The following PMS1 variants were observed in gnomAD, a reference collection of about 807,000 sequenced individuals.
PMS1 encodes PMS1 protein homolog 1.
A neutral mutation model predicts 93.1 loss-of-function variants in PMS1; 79 were observed. The ratio of observed to expected loss-of-function variants is 0.85; its 90% confidence interval spans 0.71 to 1.02. The LOEUF (loss-of-function observed/expected upper bound fraction) is 1.02, where lower values mean the gene tolerates loss of function less well. Among genes scored for constraint, PMS1 ranks in the 50% least tolerant of loss-of-function variants. PMS1 has a pLI of 0.00. For missense variants in PMS1, 1,064 were observed against 1,085.3 expected, an observed-to-expected ratio of 0.98 and a Z score of 0.28; for synonymous variants, 335 against 363.4, an observed-to-expected ratio of 0.92 and a Z score of 0.89.
At chr2:189,826,306 A>G (rs2106354973) in intron 5 of PMS1, among the ~76,000 whole-genome samples, 1 of 152,314 alleles carries the variant, frequency 6.6e-6, no homozygotes, top group Non-Finnish European at 1.5e-5. Flanking sequence ...CCCCTTCCTT[A>G]GGAATGAATT....
At chr2:189,873,278 A>T (rs2057301410) in intron 11 of PMS1, among the ~76,000 whole-genome samples, 1 of 152,228 alleles carries the variant, frequency 6.6e-6, no homozygotes, top group Admixed American at 6.5e-5. Context: ...ATTAAGTTAA[A>T]TTATATAAAG....
At chr2:189,837,330 T>C (rs978526873) in intron 5 of PMS1, among the ~76,000 whole-genome samples, 2 of 152,006 alleles carry the variant, frequency 1.3e-5, no homozygotes, top group African/African-American at 4.8e-5. Flanking sequence ...GGTCACACTA[T>C]GTTGCCCAGT....
chr2:189,845,316 T>A (rs2054164648), intron 6 of PMS1, among the ~76,000 whole-genome samples: 1 of 152,142 alleles, frequency 6.6e-6, no homozygotes, highest in South Asian at 2.1e-4. Context: ...TTGTTGTATC[T>A]CTTATGCCAT....
At chr2:189,788,420 TATG>T (rs1220339459) in intron 1 of PMS1, among the ~76,000 whole-genome samples, 1 of 152,230 alleles carries the variant, frequency 6.6e-6, no homozygotes, top group African/African-American at 2.4e-5. Context: ...ACCACAATCA[TATG>T]ATATCATTAT....
At chr2:189,815,580 C>G (rs1364308764) in intron 4 of PMS1, among the ~76,000 whole-genome samples, 2 of 152,188 alleles carry the variant, frequency 1.3e-5, no homozygotes, top group African/African-American at 4.8e-5. Flanking sequence ...GCTTCCCCTT[C>G]CGCCATGAAT....
chr2:189,863,712 C>T, intron 9 of PMS1, 31 bp from the exon 10 acceptor site: 2 of 1,473,326 alleles, frequency 1.4e-6, no homozygotes, highest in African/African-American at 1.4e-5. Flanking sequence ...TGATTATGAT[C>T]TCATTAGTTC....
At chr2:189,868,900 CAA>C (rs1428032518) in intron 11 of PMS1, among the ~76,000 whole-genome samples, 1 of 152,104 alleles carries the variant, frequency 6.6e-6, no homozygotes, top group Non-Finnish European at 1.5e-5. Flanking sequence ...CATTTAAAAA[CAA>C]TGTGTTTTGG....
Position 189,854,372 on chromosome 2 carries a change from A to G in PMS1, c.1100A>G (p.Asp367Gly), listed in dbSNP as rs2055099866. The G allele has an allele frequency of 1.2e-6, 2 of 1,602,716 alleles. No homozygotes were observed. The highest frequency in any genetic ancestry group is 3.4e-5 in the Admixed American group (2 of 58,686). The change falls in exon 9 of 13, where the codon GAT (aspartate) becomes GGT (glycine). Residue 367 changes from aspartate to glycine, a missense_variant. Transcript: ENST00000441310. ...GTTCTTAGTAAAACAGCAGAAACAG[A>G]TGTGCTTTTTAATAAAGTGGAATCA... ...DIVLSKTAET[D>G]VLFNKVESSG...
chr2:189,814,658 T>A (rs1414163605), intron 4 of PMS1, among the ~76,000 whole-genome samples: 1 of 152,216 alleles, frequency 6.6e-6, no homozygotes, highest in African/African-American at 2.4e-5. Flanking sequence ...AACATGGTAG[T>A]TCTTTGCTCT....
chr2:189,875,955 C>CAAAAAA (rs561168809), intron 12 of PMS1, among the ~76,000 whole-genome samples: 527 of 46,166 alleles, frequency 0.011, 50 homozygotes, highest in African/African-American at 0.041. Flanking sequence ...GACTCTGTCT[C>CAAAAAA]AAAAAAAAAA....
chr2:189,815,576 C>T (rs1295154320), intron 4 of PMS1, among the ~76,000 whole-genome samples: 1 of 152,164 alleles, frequency 6.6e-6, no homozygotes, highest in Non-Finnish European at 1.5e-5. Flanking sequence ...GCCTGCTTCC[C>T]CTTCCGCCAT....
chr2:189,800,771 A>T (rs944198335), intron 3 of PMS1, among the ~76,000 whole-genome samples: 14 of 152,204 alleles, frequency 9.2e-5, no homozygotes, highest in Non-Finnish European at 1.9e-4. Flanking sequence ...GTAATTGGGC[A>T]CACTATTAAA....
Position 189,864,012 on chromosome 2 carries a change from A to T in PMS1, c.2126A>T (p.Asn709Ile). The T allele has an allele frequency of 6.2e-6, 10 of 1,607,578 alleles. No individual in the cohort carries two copies. Among genetic ancestry groups the T allele is most frequent in the Non-Finnish European group, 8.5e-6 (10 of 1,175,132 alleles). The change falls in exon 10 of 13, where the codon AAT (asparagine) becomes ATT (isoleucine). Residue 709 changes from asparagine to isoleucine, a missense_variant. Transcript: ENST00000441310. Reference protein sequence around the residue: ...IPFSMKNLKINFKKQNKVDLE... With the variant: ...IPFSMKNLKIIFKKQNKVDLE... ...TTTTCTATGAAAAACTTAAAAATAA[A>T]TTTTAAGAAACAAAACAAAGTTGAC...
chr2:189,808,977 A>T (rs1005751822), intron 4 of PMS1, among the ~76,000 whole-genome samples: 1 of 152,156 alleles, frequency 6.6e-6, no homozygotes, highest in African/African-American at 2.4e-5. Flanking sequence ...TCCTAGTCAG[A>T]TTCTTTTAAG....
chr2:189,791,868 C>T lies in PMS1; in HGVS notation c.59C>T (p.Ser20Leu), dbSNP rs768047966. 1.1e-5 allele frequency: 18 copies of T among 1,613,514 alleles called. No individual in the cohort carries two copies. Among genetic ancestry groups the T allele is most frequent in the South Asian group, 2.2e-5 (2 of 91,076 alleles). Residue 20 changes from serine to leucine, a missense_variant, in exon 2 of 13, where the codon TCG becomes TTG. Coordinates refer to ENST00000441310, the MANE Select transcript of PMS1 (RefSeq NM_000534.5). ...RLLSSSQIITSVVSVVKELIE... is the reference protein window; with the variant it reads ...RLLSSSQIITLVVSVVKELIE... ...CTTTCAAGTTCTCAGATCATCACTT[C>T]GGTGGTCAGTGTTGTAAAAGAGCTT...
intron 7 of PMS1, 124 bp downstream of exon 7, chr2:189,852,901 A>G (rs1323330683): frequency 1.4e-6 from 1 of 691,964 alleles, no homozygotes; most frequent in African/African-American, 1.8e-5. Flanking sequence ...ATTAAACATT[A>G]TGCATGATAG....
intron 12 of PMS1, among the ~76,000 whole-genome samples, chr2:189,875,368 C>T (rs1188969826): frequency 2.6e-5 from 4 of 151,726 alleles, no homozygotes; most frequent in African/African-American, 9.7e-5. Flanking sequence ...CCCTCCAGAA[C>T]CCACATATAT....
At chr2:189,864,688 ATATATATATAT>A (rs1367303950) in intron 10 of PMS1, among the ~76,000 whole-genome samples, 4 of 4,498 alleles carry the variant, frequency 8.9e-4, no homozygotes, top group Non-Finnish European at 1.2e-3. Context: ...AAAAAAAAAA[ATATATATATAT>A]ATATATATAT....
intron 11 of PMS1, among the ~76,000 whole-genome samples, chr2:189,872,170 CTG>C (rs2057208290): frequency 6.6e-6 from 1 of 152,102 alleles, no homozygotes; most frequent in Non-Finnish European, 1.5e-5. Flanking sequence ...TCATTGAACT[CTG>C]TATCTCATCC....
Sources: allele counts gnomAD v4.1 joint callset (sites outside exome capture counted in the v4.1 genomes callset), GRCh38; gene constraint gnomAD v4.1.1; transcripts MANE v1.5; gene names NCBI Gene and HGNC (gene_info 2026-07-23, HGNC 2026-07-21).